RALGPS1: variants seen among roughly 807,000 people sequenced by gnomAD.
The protein encoded by RALGPS1 is ras-specific guanine nucleotide-releasing factor RalGPS1.
Under a neutral mutation model 78.8 loss-of-function variants are expected in RALGPS1, and 19 were observed. The ratio of observed to expected loss-of-function variants is 0.24; its 90% CI spans 0.17 to 0.35. The LOEUF (loss-of-function observed/expected upper bound fraction) is 0.35, where lower values mean the gene tolerates loss of function less well. Among genes scored for constraint, RALGPS1 ranks in the 10% least tolerant of loss-of-function variants. The pLI is 1.00. For missense variants in RALGPS1, 454 were observed against 688.3 expected (o/e 0.66, Z 3.81); for synonymous variants, 228 against 256.3 (o/e 0.89, Z 1.06).
At chr9:127,109,775 C>T (rs981958473) in intron 8 of RALGPS1, among the ~76,000 whole-genome samples, 1 of 152,194 alleles carries the variant, frequency 6.6e-6, no homozygotes, top group African/African-American at 2.4e-5. Context: ...ATGCCATTCC[C>T]AAATGCCAGA....
chr9:127,120,760 G>A (rs1307501880), intron 8 of RALGPS1, among the ~76,000 whole-genome samples: 2 of 152,084 alleles, frequency 1.3e-5, no homozygotes, highest in African/African-American at 2.4e-5. Context: ...CCCAGCAGGC[G>A]GAGTTTGCAG....
chr9:127,115,955 G>A (rs1434649963), intron 8 of RALGPS1, among the ~76,000 whole-genome samples: 2 of 152,186 alleles, frequency 1.3e-5, no homozygotes, highest in Non-Finnish European at 2.9e-5. Context: ...TCCTGGCTGA[G>A]GATGCTATGA....
Position 127,219,523 on chromosome 9 carries a change from C to G in RALGPS1, c.*754C>G, listed in dbSNP as rs1437887503. ...TGCTATTCATCTGGAAGGCCTGCTT[C>G]CAGGCCTCTTTGCTGTCAGCCCTTC... On this transcript the variant is annotated 3_prime_UTR_variant, in exon 19 of 19. Coordinates refer to ENST00000259351, the MANE Select transcript of RALGPS1 (RefSeq NM_014636.3). This position sits in a 1 kb window ranked among gnomAD's most constrained non-coding sequence, Gnocchi z 5.0. 2.6e-5 allele frequency: 4 copies of G among 152,690 alleles called. No homozygotes were observed. The highest frequency in any genetic ancestry group is 4.4e-5 in the Non-Finnish European group (3 of 68,082). The allele number at this position is 152,690 out of a possible 1,614,324, so 9.5% of individuals were successfully genotyped here.
At chr9:127,054,254 A>G (rs1933359) in intron 7 of RALGPS1, among the ~76,000 whole-genome samples, 9,012 of 152,242 alleles carry the variant, frequency 0.059, 895 homozygotes, top group African/African-American at 0.21. Flanking sequence ...CTTTTTTTCA[A>G]AAGTTGCTTG....
At chr9:127,093,698 T>C (rs1162478711) in intron 8 of RALGPS1, 2 of 1,610,108 alleles carry the variant, frequency 1.2e-6, no homozygotes, top group African/African-American at 1.3e-5. Flanking sequence ...CCAGTCACCT[T>C]GTGGGCAGCA....
intron 4 of RALGPS1, among the ~76,000 whole-genome samples, chr9:126,996,239 A>G (rs1462291320): frequency 6.6e-6 from 1 of 152,206 alleles, no homozygotes; most frequent in Admixed American, 6.5e-5. Context: ...TAATGAATCC[A>G]GGAGCTGGTT....
chr9:127,187,538 T>C (rs2060731841), intron 11 of RALGPS1, among the ~76,000 whole-genome samples: 1 of 152,236 alleles, frequency 6.6e-6, no homozygotes, highest in Non-Finnish European at 1.5e-5. Context: ...CGCATTACAT[T>C]AGATTATAAT....
chr9:127,176,224 T>C (rs1348791627), intron 11 of RALGPS1, among the ~76,000 whole-genome samples: 5 of 152,214 alleles, frequency 3.3e-5, no homozygotes, highest in Non-Finnish European at 7.3e-5. Context: ...TTAAAATATC[T>C]CTTGCAGTCT....
At chr9:126,915,659 A>T (rs780769006) in intron 1 of RALGPS1, among the ~76,000 whole-genome samples, 44 of 151,800 alleles carry the variant, frequency 2.9e-4, no homozygotes, top group Non-Finnish European at 5.3e-4. Context: ...CTTGGAGCTC[A>T]GCTGCCCTGG....
intron 8 of RALGPS1, chr9:127,108,222 C>T (rs778681253): frequency 6.2e-7 from 1 of 1,614,074 alleles, no homozygotes; most frequent in Admixed American, 1.7e-5. Context: ...TGGCCAGCTG[C>T]AGCATGTCGG....
At chr9:127,060,509 C>CTGTTGTTGTTGTTGTTGT (rs35010607) in intron 7 of RALGPS1, among the ~76,000 whole-genome samples, 1 of 150,758 alleles carries the variant, frequency 6.6e-6, no homozygotes, top group Non-Finnish European at 1.5e-5. Context: ...TAAGTATTAC[C>CTGTTGTTGTTGTTGTTGT]TGTTGTTGTT....
intron 5 of RALGPS1, among the ~76,000 whole-genome samples, chr9:127,045,730 TACACACACAC>T (rs60442898): frequency 9.0e-4 from 127 of 141,492 alleles, no homozygotes; most frequent in African/African-American, 3.0e-3. Context: ...CATGGGTTAG[TACACACACAC>T]ACACACACAC....
chr9:126,981,889 T>C (rs1279899790), intron 4 of RALGPS1, among the ~76,000 whole-genome samples: 1 of 152,182 alleles, frequency 6.6e-6, no homozygotes, highest in Non-Finnish European at 1.5e-5. Flanking sequence ...TCAGGGTCTC[T>C]CAGGAGGTTG....
chr9:127,195,305 G>T, intron 12 of RALGPS1, 88 bp downstream of exon 12: 1 of 1,525,196 alleles, frequency 6.6e-7, no homozygotes, highest in African/African-American at 1.4e-5. Context: ...TTGCTGGCTG[G>T]GTCCCTCCCC....
intron 8 of RALGPS1, among the ~76,000 whole-genome samples, chr9:127,124,401 A>T (rs1159803759): frequency 1.3e-5 from 2 of 152,194 alleles, no homozygotes; most frequent in African/African-American, 2.4e-5. Flanking sequence ...ATGCCTGTAG[A>T]TGATCCCAGC....
chr9:127,133,452 G>GCGTCCC (rs2057153683), intron 8 of RALGPS1, among the ~76,000 whole-genome samples: 1 of 152,242 alleles, frequency 6.6e-6, no homozygotes, highest in Non-Finnish European at 1.5e-5. Flanking sequence ...TGCCGAGGTG[G>GCGTCCC]CGTCCCCGTC....
chr9:126,931,485 G>A (rs1386611205), intron 1 of RALGPS1, among the ~76,000 whole-genome samples: 1 of 152,146 alleles, frequency 6.6e-6, no homozygotes, highest in Non-Finnish European at 1.5e-5. Context: ...GATAAACCTT[G>A]AAAACATTCT....
At position 127,195,246 on chromosome 9, in the gene RALGPS1, G is replaced by A. The variant is rs778396211; in HGVS notation, c.1037+29G>A. 3 of 1,603,276 alleles carry A rather than the reference G, an allele frequency of 1.9e-6. No individual in the cohort carries two copies. The South Asian group carries it at 3.3e-5, about 18-fold the overall frequency. On this transcript the variant is annotated intron_variant, in intron 12 of 18. Transcript: ENST00000259351. ...GGTGACTGAGCAAGCCCTCCCGCCGGGCTTCAGACCGTCCTGCACATGGGC... is the reference window on the plus strand; with the variant it reads ...GGTGACTGAGCAAGCCCTCCCGCCGAGCTTCAGACCGTCCTGCACATGGGC...
chr9:127,152,915 C>T (rs972941675), intron 8 of RALGPS1, among the ~76,000 whole-genome samples: 1 of 152,210 alleles, frequency 6.6e-6, no homozygotes, highest in Non-Finnish European at 1.5e-5. Context: ...GTCTTCAGCC[C>T]TGTGAGAAAG....
Sources: gnomAD v4.1 joint callset for allele counts (sites outside exome capture counted in the v4.1 genomes callset) on GRCh38, gnomAD v4.1.1 for gene constraint, Gnocchi (gnomAD v3.1) non-coding constraint, MANE v1.5 for transcripts, NCBI Gene and HGNC (gene_info 2026-07-23, HGNC 2026-07-21) for gene names.